FBF1: variants seen among roughly 807,000 people sequenced by gnomAD.
The protein encoded by FBF1 is fas-binding factor 1.
In FBF1, 119 loss-of-function variants were observed where a neutral mutation model predicts 147.2. That is an observed-to-expected ratio of 0.81 (90% CI 0.70 to 0.94). The LOEUF is 0.94. Ranked by LOEUF, FBF1 falls within the 40% of genes least tolerant of loss-of-function variation. The pLI is 0.00. For synonymous variants in FBF1, 601 were observed against 609.0 expected (o/e 0.99, Z 0.19); for missense variants, 1,449 against 1,500.8 (o/e 0.97, Z 0.57).
chr17:75,929,945 A>AGGGGCCCCCCCC lies in FBF1; in HGVS notation c.279+51_279+52insGGGGGGGGCCCC. ...TGAAGCTTTGGTACAAAATATCATG[A>AGGGGCCCCCCCC]CCCCACCCCACCCACCCCCAGTTCT... On this transcript the variant is annotated intron_variant, in intron 7 of 29. Transcript: ENST00000636174. 7.7e-6 allele frequency: 5 copies of AGGGGCCCCCCCC among 650,856 alleles called. No individual in the cohort carries two copies. The East Asian group carries it at 8.4e-5, about 11-fold the overall frequency. The allele number at this position is 650,856 out of a possible 1,614,324, so 40.3% of individuals were successfully genotyped here.
intron 6 of FBF1, 35 bp from the exon 7 acceptor site, chr17:75,930,082 G>A (rs2065585560): frequency 6.6e-7 from 1 of 1,518,230 alleles, no homozygotes; most frequent in Non-Finnish European, 9.0e-7. Context: ...CACAGATGAG[G>A]AGGCACATTA....
chr17:75,933,265 A>G (rs910343968), intron 4 of FBF1, among the ~76,000 whole-genome samples, 177 bp from the exon 5 acceptor site: 7 of 152,158 alleles, frequency 4.6e-5, no homozygotes, highest in African/African-American at 1.7e-4. Flanking sequence ...AGGGTGGTAC[A>G]TTTCCAAGGA....
intron 3 of FBF1, among the ~76,000 whole-genome samples, chr17:75,936,632 G>A (rs936180260): frequency 2.6e-5 from 4 of 151,866 alleles, no homozygotes; most frequent in Admixed American, 6.6e-5. Context: ...CTGAGATCAC[G>A]CCATTGCACT....
intron 1 of FBF1, among the ~76,000 whole-genome samples, chr17:75,938,506 A>G (rs1302706199): frequency 6.9e-6 from 1 of 144,882 alleles, no homozygotes; most frequent in East Asian, 2.1e-4. Flanking sequence ...CAGTGAGCCA[A>G]GACCGCGCCA....
intron 7 of FBF1, 28 bp downstream of exon 7, chr17:75,929,969 C>CCCTT: frequency 2.6e-6 from 3 of 1,168,810 alleles, no homozygotes; most frequent in African/African-American, 1.8e-5. Context: ...ACCCCCAGTT[C>CCCTT]TAAGAATCGT....
intron 1 of FBF1, among the ~76,000 whole-genome samples, chr17:75,938,791 G>A (rs535453001): frequency 9.9e-5 from 15 of 150,964 alleles, no homozygotes; most frequent in Middle Eastern, 3.5e-3. Context: ...GCTTGAACCC[G>A]CTAGACGGAG....
chr17:75,914,585 C>A (rs1226630904), intron 25 of FBF1, 162 bp downstream of exon 25: 9 of 834,168 alleles, frequency 1.1e-5, no homozygotes, highest in Non-Finnish European at 1.6e-5. Flanking sequence ...TGGGACAATA[C>A]GAGGAAGATG....
Position 75,919,805 on chromosome 17 carries a change from C to A in FBF1, c.2001G>T (p.Glu667Asp), listed in dbSNP as rs1198220694. ...ACTGCGACAGATACCGAGCTGACAG[C>A]TCTTCGTTCTCTCTCCGGAGCCGCT... is the stretch of plus-strand genomic sequence containing the variant. The part of the protein sequence containing the change: ...REERLRRENE[E>D]LSARYLSQCQ... The change falls in exon 20 of 30, where the codon GAG (glutamate) becomes GAT (aspartate). Residue 667 changes from glutamate (E) to aspartate (D), a missense_variant. Physicochemically the swap from Glu to Asp is conservative, Grantham distance 45. Transcript: ENST00000636174. This position sits in a 1 kb window ranked among gnomAD's most constrained non-coding sequence, Gnocchi z 5.0. The A allele has an allele frequency of 3.1e-6, 5 of 1,613,672 alleles. No individual in the cohort carries two copies. The highest frequency in any genetic ancestry group is 4.2e-6 in the Non-Finnish European group (5 of 1,179,892).
chr17:75,923,756 C>A lies in FBF1; in HGVS notation c.969-115G>T. ...GGGACCCTGCACAGTCAGCTGAGGC[C>A]CAGTGAGCAGTGGCTCCTGGACCGG... On this transcript the variant is annotated intron_variant, in intron 13 of 29. Transcript: ENST00000636174. The surrounding 1 kb of genome is among the most constrained non-coding windows in gnomAD (Gnocchi z 4.1). The A allele has an allele frequency of 9.2e-7, 1 of 1,085,274 alleles. No homozygotes were observed. The highest frequency in any genetic ancestry group is 1.7e-5 in the South Asian group (1 of 60,424). 67.2% of individuals were successfully genotyped at this position (1,085,274 alleles called of 1,614,324 possible). A position where few individuals can be genotyped will look rare whatever the true frequency, so the allele number is the denominator to read the frequency against.
At position 75,925,314 on chromosome 17, in the gene FBF1, C is replaced by G. The variant is rs368055448; in HGVS notation, c.968+33G>C. On this transcript the variant is annotated intron_variant, in intron 13 of 29. Coordinates refer to ENST00000636174, the MANE Select transcript of FBF1 (RefSeq NM_001319193.2). This position sits in a 1 kb window ranked among gnomAD's most constrained non-coding sequence, Gnocchi z 5.0. Reference sequence around the variant, plus strand: ...TGTCTTCCCAGTGGCCGACCTGTCTCAAGAGGCCAAGCCTCCTGCAGGCCC... The same window carrying G: ...TGTCTTCCCAGTGGCCGACCTGTCTGAAGAGGCCAAGCCTCCTGCAGGCCC... 5 of 1,581,078 alleles carry G rather than the reference C, an allele frequency of 3.2e-6. No individual in the cohort carries two copies. Among genetic ancestry groups the G allele is most frequent in the Non-Finnish European group, 3.5e-6 (4 of 1,156,518 alleles).
At position 75,938,170 on chromosome 17, in the gene FBF1, T is replaced by G. The variant is rs902002263; in HGVS notation, c.-21A>C. 57 of 1,613,236 alleles carry G rather than the reference T, an allele frequency of 3.5e-5. No individual in the cohort carries two copies. The highest frequency in any genetic ancestry group is 4.7e-5 in the Non-Finnish European group (55 of 1,179,668). ...ACCATCTCACGGCTCTCGGGGGTGC[T>G]CTCAGCTCCTTCACAGCACTGGCCA... On this transcript the variant is annotated 5_prime_UTR_variant, in exon 2 of 30. Transcript: ENST00000636174.
chr17:75,909,960 G>A lies in FBF1; in HGVS notation c.*763C>T, dbSNP rs1388311616. The A allele has an allele frequency of 2.9e-6, 2 of 695,256 alleles. No individual in the cohort carries two copies. The highest frequency in any genetic ancestry group is 1.5e-5 in the South Asian group (1 of 66,684). The allele number at this position is 695,256 out of a possible 1,614,324, so 43.1% of individuals were successfully genotyped here. On this transcript the variant is annotated 3_prime_UTR_variant, in exon 30 of 30. Transcript: ENST00000636174. The stretch of plus-strand genomic sequence containing the variant: ...TCCTTGTCGCCTCCACTGCGTACCC[G>A]CTGAGCTGGGCTTTGGGCAGGTGAG...
In FBF1 at chr17:75,914,011, G is replaced by A. The variant is rs369895761; in HGVS notation, c.3031C>T (p.Arg1011Cys). 5.4e-5 allele frequency: 85 copies of A among 1,581,524 alleles called. No homozygotes were observed. Among genetic ancestry groups the A allele is most frequent in the Non-Finnish European group, 6.8e-5 (80 of 1,171,286 alleles). ...TCTGCCTGCACCTGCTGGGCCTCGC[G>A]CAATGCCCGCTCCCCCTCCTCGTAC... The part of the protein sequence containing the change: ...EKYEEGERAL[R>C]EAQQVQAEQQ... Residue 1011 changes from arginine to cysteine, a missense_variant, in exon 27 of 30, where the codon CGC (arginine) becomes TGC (cysteine). Physicochemically the swap from Arg to Cys is radical, Grantham distance 180. Coordinates refer to ENST00000636174, the MANE Select transcript of FBF1 (RefSeq NM_001319193.2).
At chr17:75,917,594 T>G in intron 23 of FBF1, 138 bp downstream of exon 23, 3 of 760,392 alleles carry the variant, frequency 3.9e-6, no homozygotes, top group Non-Finnish European at 6.3e-6. Flanking sequence ...GGCAGGGAGA[T>G]GTAGAGGCAG....
intron 3 of FBF1, among the ~76,000 whole-genome samples, chr17:75,937,327 C>G (rs556929905): frequency 6.6e-6 from 1 of 152,046 alleles, no homozygotes; most frequent in African/African-American, 2.4e-5. Flanking sequence ...CCCGCCACCA[C>G]GCCCGGCTAA....
At chr17:75,930,489 G>C (rs567895752) in intron 6 of FBF1, among the ~76,000 whole-genome samples, 1 of 152,234 alleles carries the variant, frequency 6.6e-6, no homozygotes, top group Non-Finnish European at 1.5e-5. Context: ...ATTATTTACA[G>C]TGGCTCACGC....
Position 75,918,371 on chromosome 17 carries a change from G to A in FBF1, c.2139-102C>T. The A allele has an allele frequency of 1.1e-6, 1 of 948,154 alleles. No individual in the cohort carries two copies. Among genetic ancestry groups the A allele is most frequent in the South Asian group, 1.7e-5 (1 of 59,600 alleles). 58.7% of individuals were successfully genotyped at this position (948,154 alleles called of 1,614,324 possible). A position where few individuals can be genotyped will look rare whatever the true frequency, so the allele number is the denominator to read the frequency against. On this transcript the variant is annotated intron_variant, in intron 20 of 29. Transcript: ENST00000636174. This position sits in a 1 kb window ranked among gnomAD's most constrained non-coding sequence, Gnocchi z 5.8. ...TGTTTCCGTGCAGCCCTTGCTCCCA[G>A]GCCTCTCCTCCGCCGGGCACTGCCT...
Position 75,914,842 on chromosome 17 carries a change from G to A in FBF1, c.2719C>T (p.Gln907Ter). 1 of 1,608,952 alleles carries A rather than the reference G, an allele frequency of 6.2e-7. No individual in the cohort carries two copies. Among genetic ancestry groups the A allele is most frequent in the Non-Finnish European group, 8.5e-7 (1 of 1,179,018 alleles). Residue 907 changes from glutamine to a stop codon, truncating the protein, a stop_gained, in exon 25 of 30, where the codon CAG (glutamine) becomes TAG (stop). Coordinates refer to ENST00000636174, the MANE Select transcript of FBF1 (RefSeq NM_001319193.2). LOFTEE classifies it high-confidence loss of function. ...LAAEWAEFSA[Q>*]QKLSKERAER... Reference sequence around the variant, plus strand: ...GCCCGCTCCTTACTCAGCTTTTGCTGCGCGGAGAACTCCGCCCACTCGGCA... The same window carrying A: ...GCCCGCTCCTTACTCAGCTTTTGCTACGCGGAGAACTCCGCCCACTCGGCA...
chr17:75,909,904 G>T lies in FBF1; in HGVS notation c.*819C>A. ...AGTTGAAGCAGCGGGAGTGGAGGAG[G>T]ATCAGAGAAACCTCTGTAGTTGTGA... On this transcript the variant is annotated 3_prime_UTR_variant, in exon 30 of 30. Coordinates refer to ENST00000636174, the MANE Select transcript of FBF1 (RefSeq NM_001319193.2). 2.9e-6 allele frequency: 2 copies of T among 701,336 alleles called. No individual in the cohort carries two copies. The highest frequency in any genetic ancestry group is 5.2e-6 in the Non-Finnish European group (2 of 384,412). 43.4% of individuals were successfully genotyped at this position (701,336 alleles called of 1,614,324 possible).
Sources: allele counts gnomAD v4.1 joint callset (sites outside exome capture counted in the v4.1 genomes callset), GRCh38; gene constraint gnomAD v4.1.1; non-coding constraint Gnocchi (gnomAD v3.1); transcripts MANE v1.5; gene names NCBI Gene and HGNC (gene_info 2026-07-23, HGNC 2026-07-21).